The following C3orf62 variants were observed in gnomAD, a reference collection of about 807,000 sequenced individuals.
C3orf62 encodes chromosome 3 open reading frame 62.
In C3orf62, 16 loss-of-function variants were observed where a neutral mutation model predicts 21.7. That is an observed-to-expected ratio of 0.74 (90% CI 0.50 to 1.12). The LOEUF (loss-of-function observed/expected upper bound fraction) is 1.12, where lower values mean the gene tolerates loss of function less well. Among genes scored for constraint, C3orf62 ranks in the 50% most tolerant of loss-of-function variants. C3orf62 has a pLI of 0.00. For synonymous variants in C3orf62, 114 were observed against 117.0 expected (o/e 0.97, Z 0.17); for missense variants, 310 against 318.8 (o/e 0.97, Z 0.21).
chr3:49,277,092 C>G lies in C3orf62; in HGVS notation c.-220G>C, dbSNP rs1045920052. Reference sequence around the variant, plus strand: ...ACTTCCCACAGCTTCCTGGCCCGCCCCGCCGCTGCCTCCCGCCCCACCGCG... The same window carrying G: ...ACTTCCCACAGCTTCCTGGCCCGCCGCGCCGCTGCCTCCCGCCCCACCGCG... On this transcript the variant is annotated 5_prime_UTR_variant, in exon 1 of 3. Transcript: ENST00000343010. 1 of 1,486,732 alleles carries G rather than the reference C, an allele frequency of 6.7e-7. No individual in the cohort carries two copies. 92.1% of individuals were successfully genotyped at this position (1,486,732 alleles called of 1,614,324 possible).
Position 49,276,698 on chromosome 3 carries a change from G to A in C3orf62, c.175C>T (p.Pro59Ser). 1 of 1,614,222 alleles carries A rather than the reference G, an allele frequency of 6.2e-7. No individual in the cohort carries two copies. Among genetic ancestry groups the A allele is most frequent in the Non-Finnish European group, 8.5e-7 (1 of 1,180,038 alleles). ...CTTCTGCAGAGGAGCCTGTGCACGG[G>A]CAGCGAGAAGGAGAGCGGCGCGGCG... ...LSAAPLSFSL[P>S]VHRLLCRRHP... The change falls in exon 1 of 3, where the codon CCC (proline) becomes TCC (serine). Residue 59 changes from proline to serine, a missense_variant. By Grantham distance (74) the Pro-to-Ser change is moderately conservative. Coordinates refer to ENST00000343010, the MANE Select transcript of C3orf62 (RefSeq NM_198562.3).
In C3orf62 at chr3:49,271,048, TA is replaced by T; in HGVS notation, c.*131del. ...CTTAAAAAGGGACACAACTGGGATTTAAAAAGGGTCTGGTAATTCAGGTTCT... is the reference window on the plus strand; with the variant it reads ...CTTAAAAAGGGACACAACTGGGATTTAAAAGGGTCTGGTAATTCAGGTTCT... On this transcript the variant is annotated 3_prime_UTR_variant, in exon 3 of 3. Transcript: ENST00000343010. The T allele has an allele frequency of 1.1e-6, 1 of 872,652 alleles. No homozygotes were observed. Among genetic ancestry groups the T allele is most frequent in the Non-Finnish European group, 1.8e-6 (1 of 564,794 alleles). The allele number at this position is 872,652 out of a possible 1,614,324, so 54.1% of individuals were successfully genotyped here.
Position 49,271,311 on chromosome 3 carries a change from G to A in C3orf62, c.673C>T (p.Pro225Ser). 6.2e-7 allele frequency: 1 copy of A among 1,614,158 alleles called. No homozygotes were observed. Among genetic ancestry groups the A allele is most frequent in the Non-Finnish European group, 8.5e-7 (1 of 1,180,038 alleles). The change falls in exon 3 of 3, where the codon CCT (proline) becomes TCT (serine). Residue 225 changes from proline to serine, a missense_variant. Coordinates refer to ENST00000343010, the MANE Select transcript of C3orf62 (RefSeq NM_198562.3). ...EAWALLMDKS[P>S]QKATDADPGS... The stretch of plus-strand genomic sequence containing the variant: ...GGGTCAGCATCTGTGGCCTTCTGAG[G>A]GCTCTTGTCCATGAGCAGGGCCCAG...
Position 49,269,715 on chromosome 3 carries a change from G to A in C3orf62, c.*1465C>T, listed in dbSNP as rs573394263. 7.9e-5 allele frequency: 12 copies of A among 152,404 alleles called. No homozygotes were observed. Among genetic ancestry groups the A allele is most frequent in the African/African-American group, 2.9e-4 (12 of 41,580 alleles). 9.4% of individuals were successfully genotyped at this position (152,404 alleles called of 1,614,324 possible). ...GCAGTGGCAGTGGCCACAACTGGTT[G>A]GGAACCAGGGCACGCCCACTGGGGA... On this transcript the variant is annotated 3_prime_UTR_variant, in exon 3 of 3. Coordinates refer to ENST00000343010, the MANE Select transcript of C3orf62 (RefSeq NM_198562.3).
rs746086446 is a variant in C3orf62 at position 49,272,534 on chromosome 3, C to CTTTTTTTTT, written c.539-1098_539-1090dup. Among the ~76,000 whole-genome samples, 23 of 51,844 alleles carry CTTTTTTTTT rather than the reference C, an allele frequency of 4.4e-4. 3 individuals are homozygous for CTTTTTTTTT. Among genetic ancestry groups the CTTTTTTTTT allele is most frequent in the African/African-American group, 6.8e-4 (8 of 11,718 alleles). 34.0% of individuals were successfully genotyped at this position (51,844 alleles called of 152,430 possible). A position where few individuals can be genotyped will look rare whatever the true frequency, so the allele number is the denominator to read the frequency against. ...TTTGACTTCTAATTTTTCTCCTAAT[C>CTTTTTTTTT]TTTTTTTTTTTTTTTTTTTTTTTTT... is the stretch of plus-strand genomic sequence containing the variant. On this transcript the variant is annotated intron_variant, in intron 2 of 2. Coordinates refer to ENST00000343010, the MANE Select transcript of C3orf62 (RefSeq NM_198562.3).
chr3:49,273,105 G>A (rs1471014453), intron 2 of C3orf62, among the ~76,000 whole-genome samples: 1 of 152,160 alleles, frequency 6.6e-6, no homozygotes, highest in Non-Finnish European at 1.5e-5. Flanking sequence ...TGCAGAGTCT[G>A]AGCAAAACAT....
rs754804103 is a variant in C3orf62, at chr3:49,276,616, G to A, written c.257C>T (p.Pro86Leu). ...AAPFAAVPCA[P>L]ENENPAFATN... is the part of the protein sequence containing the mutation. ...TGCAAAGGCAGGGTTCTCATTCTCA[G>A]GAGCACATGGGACAGCAGCAAAAGG... The change falls in exon 1 of 3, where the codon CCT becomes CTT. Residue 86 changes from proline (P) to leucine (L), a missense_variant. By Grantham distance (98) the Pro-to-Leu change is moderately conservative (BLOSUM62 -3). Transcript: ENST00000343010. 8 of 1,614,208 alleles carry A rather than the reference G, an allele frequency of 5.0e-6. No homozygotes were observed. Among genetic ancestry groups the A allele is most frequent in the Non-Finnish European group, 5.9e-6 (7 of 1,180,052 alleles).
chr3:49,275,519 GTTTTTTTTTTTTTT>G (rs59375945), intron 1 of C3orf62, among the ~76,000 whole-genome samples: 11 of 69,298 alleles, frequency 1.6e-4, no homozygotes, highest in South Asian at 7.4e-4. Flanking sequence ...GAACTTTGAA[GTTTTTTTTTTTTTT>G]TTTTTTTTTT....
In C3orf62 at chr3:49,274,401, C is replaced by G. The variant is rs975347246; in HGVS notation, c.447-261G>C. On this transcript the variant is annotated intron_variant, in intron 1 of 2. Transcript: ENST00000343010. ...TTAGAGACAGGGTTTAGCCATGTTG[C>G]CCAGGCTGGTCTCGAACTCCTGGGC... is the stretch of plus-strand genomic sequence containing the variant. 3 of 369,790 alleles carry G rather than the reference C, an allele frequency of 8.1e-6. No homozygotes were observed. The East Asian group carries it at 1.8e-4, about 23-fold the overall frequency. The allele number at this position is 369,790 out of a possible 1,614,324, so 22.9% of individuals were successfully genotyped here.
intron 1 of C3orf62, among the ~76,000 whole-genome samples, chr3:49,275,565 C>G (rs1236655060): frequency 1.7e-5 from 2 of 118,724 alleles, no homozygotes; most frequent in Non-Finnish European, 3.3e-5. Context: ...GAGTCTCGCT[C>G]TGTCGCCCAG....
rs375973928 is a variant in C3orf62 at position 49,272,243 on chromosome 3, A to C, written c.539-798T>G. Reference sequence around the variant, plus strand: ...GGGCACATTGGCATGGTTTGCCTGTAAACCCAGCACTTTGGGAGGCTGAGG... The same window carrying C: ...GGGCACATTGGCATGGTTTGCCTGTCAACCCAGCACTTTGGGAGGCTGAGG... On this transcript the variant is annotated intron_variant, in intron 2 of 2. Coordinates refer to ENST00000343010, the MANE Select transcript of C3orf62 (RefSeq NM_198562.3). Among the ~76,000 whole-genome samples, 32 of 152,240 alleles carry C rather than the reference A, an allele frequency of 2.1e-4. No homozygotes were observed. The East Asian group carries it at 4.8e-3, about 23-fold the overall frequency.
Position 49,270,995 on chromosome 3 carries a change from A to G in C3orf62, c.*185T>C, listed in dbSNP as rs2046908836. The G allele has an allele frequency of 1.6e-6, 1 of 614,184 alleles. No individual in the cohort carries two copies. The highest frequency in any genetic ancestry group is 2.8e-6 in the Non-Finnish European group (1 of 351,790). 38.0% of individuals were successfully genotyped at this position (614,184 alleles called of 1,614,324 possible). A position where few individuals can be genotyped will look rare whatever the true frequency, so the allele number is the denominator to read the frequency against. ...TCAGTAATAGGAAACATTTCAAAGC[A>G]ATGGAATTCAAAAAACTGGTCTCAC... is the stretch of plus-strand genomic sequence containing the variant. On this transcript the variant is annotated 3_prime_UTR_variant, in exon 3 of 3. Transcript: ENST00000343010.
chr3:49,273,654 G>C (rs2046929764), intron 2 of C3orf62, among the ~76,000 whole-genome samples: 1 of 151,908 alleles, frequency 6.6e-6, no homozygotes, highest in South Asian at 2.1e-4. Context: ...CTAGAAGAGA[G>C]TGTTTTTTGT....
chr3:49,269,442 GT>G lies in C3orf62; in HGVS notation c.*1737del, dbSNP rs995368190. 1.3e-5 allele frequency: 2 copies of G among 152,220 alleles called. No homozygotes were observed. Among genetic ancestry groups the G allele is most frequent in the Non-Finnish European group, 2.9e-5 (2 of 68,036 alleles). The allele number at this position is 152,220 out of a possible 1,614,324, so 9.4% of individuals were successfully genotyped here. On this transcript the variant is annotated 3_prime_UTR_variant, in exon 3 of 3. Transcript: ENST00000343010. ...TTTGGAAGGCACTGTTTTGAGACCTGTTTTTCTGAGTATCAAGTAGCCTGAC... is the reference window on the plus strand; with the variant it reads ...TTTGGAAGGCACTGTTTTGAGACCTGTTTTCTGAGTATCAAGTAGCCTGAC...
chr3:49,275,519 G>GTTTTTTTTTTTTTTTTTTTTTT (rs59375945), intron 1 of C3orf62, among the ~76,000 whole-genome samples: 1 of 69,292 alleles, frequency 1.4e-5, no homozygotes, highest in Non-Finnish European at 2.5e-5. Context: ...GAACTTTGAA[G>GTTTTTTTTTTTTTTTTTTTTTT]TTTTTTTTTT....
chr3:49,274,009 A>G lies in C3orf62; in HGVS notation c.538+40T>C, dbSNP rs189746099. ...TGACTCAGACCCATGTGAAGGACCT[A>G]TCTTCCCAAGGACAGGATGGACTTG... On this transcript the variant is annotated intron_variant, in intron 2 of 2. Coordinates refer to ENST00000343010, the MANE Select transcript of C3orf62 (RefSeq NM_198562.3). 55 of 1,439,036 alleles carry G rather than the reference A, an allele frequency of 3.8e-5. No individual in the cohort carries two copies. The Admixed American group carries it at 6.1e-4, about 16-fold the overall frequency. The allele number at this position is 1,439,036 out of a possible 1,614,324, so 89.1% of individuals were successfully genotyped here.
intron 2 of C3orf62, among the ~76,000 whole-genome samples, chr3:49,271,681 A>G (rs2046912520): frequency 6.6e-6 from 1 of 152,144 alleles, no homozygotes; most frequent in Admixed American, 6.6e-5. Context: ...CAAGAAAGGT[A>G]TAAGTGGGAG....
rs966851682 is a variant in C3orf62, at chr3:49,271,833, T to G, written c.539-388A>C. Among the ~76,000 whole-genome samples the G allele has an allele frequency of 1.5e-4, 22 of 150,472 alleles. No individual in the cohort carries two copies. The Admixed American group carries it at 1.5e-3, about 10-fold the overall frequency. The stretch of plus-strand genomic sequence containing the variant: ...GTGTGTAACCTGCAATCCCAGCAAC[T>G]TGAGAGGCTGAGGTAGAATAATAAC... On this transcript the variant is annotated intron_variant, in intron 2 of 2. Coordinates refer to ENST00000343010, the MANE Select transcript of C3orf62 (RefSeq NM_198562.3).
chr3:49,274,433 G>A (rs763952849), intron 1 of C3orf62: 6 of 266,146 alleles, frequency 2.3e-5, no homozygotes, highest in Admixed American at 5.1e-5. Flanking sequence ...GGGCTCAGGC[G>A]ATCCACTCGC....
Sources: allele counts gnomAD v4.1 joint callset (sites outside exome capture counted in the v4.1 genomes callset), GRCh38; gene constraint gnomAD v4.1.1; transcripts MANE v1.5; gene names NCBI Gene and HGNC (gene_info 2026-07-23, HGNC 2026-07-21).